Variants in OR6J1 observed in about 807,000 individuals in gnomAD.
OR6J1 encodes the protein olfactory receptor family 6 subfamily J member 1, also known as olfactory receptor 6J1.
For synonymous variants in OR6J1, 109 were observed against 70.0 expected (o/e 1.56, Z -2.78); for missense variants, 304 against 166.8 (o/e 1.82, Z -4.53).
chr14:22,643,760 C>CAG (rs1253631755), intron 1 of OR6J1, among the ~76,000 whole-genome samples: 802 of 62,694 alleles, frequency 0.013, 5 homozygotes, highest in African/African-American at 0.031. Flanking sequence ...CACACACACA[C>CAG]ACACAGAGAG....
intron 1 of OR6J1, among the ~76,000 whole-genome samples, chr14:22,640,093 T>A (rs61972441): frequency 0.042 from 6,347 of 151,488 alleles, 248 homozygotes; most frequent in African/African-American, 0.096. Context: ...AACATTCACA[T>A]ACTCTGTGAC....
chr14:22,642,241 T>C, intron 1 of OR6J1, among the ~76,000 whole-genome samples: 1 of 149,332 alleles, frequency 6.7e-6, no homozygotes, highest in Non-Finnish European at 1.5e-5. Context: ...TTCCACCCAT[T>C]TAAAATATAC....
chr14:22,641,854 G>A (rs1566398165), intron 1 of OR6J1, among the ~76,000 whole-genome samples: 1 of 152,176 alleles, frequency 6.6e-6, no homozygotes, highest in Non-Finnish European at 1.5e-5. Flanking sequence ...AGTCTGGAAA[G>A]CAAACCAACT....
chr14:22,639,519 A>G (rs1436191809), intron 1 of OR6J1, among the ~76,000 whole-genome samples: 3 of 131,774 alleles, frequency 2.3e-5, no homozygotes, highest in Admixed American at 2.1e-4. Context: ...TCAGGATGAC[A>G]ATGGCGGCTT....
rs1406660822 is a variant in OR6J1 at position 22,633,544 on chromosome 14, A to G, written c.*224T>C. The G allele has an allele frequency of 3.0e-5, 15 of 500,546 alleles. No individual in the cohort carries two copies. Among genetic ancestry groups the G allele is most frequent in the Middle Eastern group, 5.0e-4 (1 of 1,994 alleles). 31.0% of individuals were successfully genotyped at this position (500,546 alleles called of 1,614,324 possible). On this transcript the variant is annotated 3_prime_UTR_variant, in exon 2 of 2. Coordinates refer to ENST00000540461, the MANE Select transcript of OR6J1 (RefSeq NM_001348233.2). ...GCTGCATGGCCCTTCCATTCTTACAATATTCAGTGTGGATGGGGCTTAGAG... is the reference window on the plus strand; with the variant it reads ...GCTGCATGGCCCTTCCATTCTTACAGTATTCAGTGTGGATGGGGCTTAGAG...
chr14:22,636,579 T>G, intron 1 of OR6J1, among the ~76,000 whole-genome samples: 1 of 119,766 alleles, frequency 8.3e-6, no homozygotes, highest in African/African-American at 4.5e-5. Context: ...CCTCACTGGT[T>G]TTCGTTTTTT....
At chr14:22,636,473 C>T (rs2037587238) in intron 1 of OR6J1, among the ~76,000 whole-genome samples, 1 of 82,436 alleles carries the variant, frequency 1.2e-5, no homozygotes, top group African/African-American at 8.4e-5. Context: ...CAAGGCTGGA[C>T]GGTGCTGCTG....
chr14:22,634,537 G>A lies in OR6J1; in HGVS notation c.275C>T (p.Ser92Phe). ...GCACTGGGTGATACATCCGGCAAAG[G>A]AGATGGTTTTATCCCTAGATCCTAA... The part of the protein sequence containing the change: ...ANLGSRDKTI[S>F]FAGCITQCYF... Residue 92 changes from serine (S) to phenylalanine (F), a missense_variant, in exon 2 of 2, where the codon TCC becomes TTC. Ser to Phe is a radical substitution (Grantham distance 155). Coordinates refer to ENST00000540461, the MANE Select transcript of OR6J1 (RefSeq NM_001348233.2). The A allele has an allele frequency of 1.4e-6, 1 of 704,610 alleles. No homozygotes were observed. The highest frequency in any genetic ancestry group is 1.5e-5 in the South Asian group (1 of 67,540). The allele number at this position is 704,610 out of a possible 1,614,324, so 43.6% of individuals were successfully genotyped here.
intron 1 of OR6J1, among the ~76,000 whole-genome samples, chr14:22,639,360 TG>T (rs1186467095): frequency 9.6e-6 from 1 of 104,602 alleles, no homozygotes; most frequent in Non-Finnish European, 1.9e-5. Context: ...GGGAGGGAGA[TG>T]GGGGGGTCAG....
Position 22,642,312 on chromosome 14 carries a change from A to AATATATATATATATATATATATAT in OR6J1, c.-28+1762_-28+1785dup, listed in dbSNP as rs71421135. Among the ~76,000 whole-genome samples the AATATATATATATATATATATATAT allele has an allele frequency of 5.0e-4, 55 of 109,218 alleles. 1 individual carries two copies. The highest frequency in any genetic ancestry group is 9.2e-4 in the East Asian group (4 of 4,352). The allele number at this position is 109,218 out of a possible 152,430, so 71.7% of individuals were successfully genotyped here. ...TGTCCATCACCACAATCAACTTAAG[A>AATATATATATATATATATATATAT]ATATATATATATATATATATATATA... On this transcript the variant is annotated intron_variant, in intron 1 of 1. Coordinates refer to ENST00000540461, the MANE Select transcript of OR6J1 (RefSeq NM_001348233.2).
intron 1 of OR6J1, among the ~76,000 whole-genome samples, chr14:22,643,614 A>G (rs1435151206): frequency 6.6e-6 from 1 of 151,842 alleles, no homozygotes; most frequent in Non-Finnish European, 1.5e-5. Flanking sequence ...AGGTTCATCT[A>G]TGTTATAGCA....
intron 1 of OR6J1, among the ~76,000 whole-genome samples, chr14:22,642,031 G>A (rs1349403406): frequency 6.6e-6 from 1 of 152,050 alleles, no homozygotes; most frequent in African/African-American, 2.4e-5. Context: ...CAGAAATCCC[G>A]AGGACTGAGT....
rs1183919158 is a variant in OR6J1, at chr14:22,633,148, T to C, written c.*620A>G. ...TGCAAGTGTCCCTGCAGGTGATGGG[T>C]TATGCCTTCAGTCAGATTATCCATC... On this transcript the variant is annotated 3_prime_UTR_variant, in exon 2 of 2. Transcript: ENST00000540461. 6.5e-6 allele frequency: 1 copy of C among 153,186 alleles called. No individual in the cohort carries two copies. The allele number at this position is 153,186 out of a possible 1,614,324, so 9.5% of individuals were successfully genotyped here.
intron 1 of OR6J1, among the ~76,000 whole-genome samples, chr14:22,641,123 C>A (rs2037641487): frequency 6.7e-6 from 1 of 149,966 alleles, no homozygotes; most frequent in African/African-American, 2.4e-5. Flanking sequence ...GATCACACAG[C>A]ACTGCACTCC....
intron 1 of OR6J1, among the ~76,000 whole-genome samples, chr14:22,643,764 C>CACACACAGAGAGAGAGAGAGAGAGAG (rs1466950724): frequency 2.7e-5 from 1 of 37,692 alleles, no homozygotes; most frequent in Non-Finnish European, 5.1e-5. Context: ...CACACACACA[C>CACACACAGAGAGAGAGAGAGAGAGAG]AGAGAGAGAG....
At position 22,633,163 on chromosome 14, in the gene OR6J1, G is replaced by A. The variant is rs2037558295; in HGVS notation, c.*605C>T. The A allele has an allele frequency of 6.5e-6, 1 of 153,402 alleles. No homozygotes were observed. The highest frequency in any genetic ancestry group is 1.5e-5 in the Non-Finnish European group (1 of 68,886). The allele number at this position is 153,402 out of a possible 1,614,324, so 9.5% of individuals were successfully genotyped here. A position where few individuals can be genotyped will look rare whatever the true frequency, so the allele number is the denominator to read the frequency against. On this transcript the variant is annotated 3_prime_UTR_variant, in exon 2 of 2. Coordinates refer to ENST00000540461, the MANE Select transcript of OR6J1 (RefSeq NM_001348233.2). ...AGGTGATGGGTTATGCCTTCAGTCA[G>A]ATTATCCATCCATGGATCAATCATT...
Position 22,637,163 on chromosome 14 carries a change from A to T in OR6J1, c.-27-2325T>A, listed in dbSNP as rs1390976245. 3.2e-5 allele frequency among the ~76,000 whole-genome samples: 3 copies of T among 95,146 alleles called. No individual in the cohort carries two copies. The East Asian group carries it at 7.7e-4, about 24-fold the overall frequency. The allele number at this position is 95,146 out of a possible 152,430, so 62.4% of individuals were successfully genotyped here. On this transcript the variant is annotated intron_variant, in intron 1 of 1. Transcript: ENST00000540461. Reference sequence around the variant, plus strand: ...GCCGCCCTGTCTGAGAAGTGAGGAAACCCTCTGCCTGGCAACCGCCCCGTC... The same window carrying T: ...GCCGCCCTGTCTGAGAAGTGAGGAATCCCTCTGCCTGGCAACCGCCCCGTC...
In OR6J1 at chr14:22,631,715, G is replaced by A. The variant is rs1306689794; in HGVS notation, c.*2053C>T. 6.5e-6 allele frequency: 1 copy of A among 152,744 alleles called. No individual in the cohort carries two copies. Among genetic ancestry groups the A allele is most frequent in the Non-Finnish European group, 1.5e-5 (1 of 68,304 alleles). The allele number at this position is 152,744 out of a possible 1,614,324, so 9.5% of individuals were successfully genotyped here. A position where few individuals can be genotyped will look rare whatever the true frequency, so the allele number is the denominator to read the frequency against. The stretch of plus-strand genomic sequence containing the variant: ...AGGAAATCACAAGGGTATTCATTGG[G>A]GAAGTGATAAGTGTCCATGAAATCT... On this transcript the variant is annotated 3_prime_UTR_variant, in exon 2 of 2. Transcript: ENST00000540461.
At chr14:22,644,034 G>C (rs893245538) in intron 1 of OR6J1, 64 bp downstream of exon 1, 1 of 152,284 alleles carries the variant, frequency 6.6e-6, no homozygotes, top group Non-Finnish European at 1.5e-5. Flanking sequence ...ACACACCTGA[G>C]ATTATAACAG....
Sources: gnomAD v4.1 joint callset for allele counts (sites outside exome capture counted in the v4.1 genomes callset) on GRCh38, gnomAD v4.1.1 for gene constraint, MANE v1.5 for transcripts, NCBI Gene and HGNC (gene_info 2026-07-23, HGNC 2026-07-21) for gene names.